Variants in RUSC2 observed in about 807,000 individuals in gnomAD.
RUSC2 encodes RUN and SH3 domain containing 2.
RUSC2 carries 34 observed loss-of-function variants against 122.2 expected under a neutral mutation model. The observed-to-expected ratio is 0.28, with a 90% CI of 0.21 to 0.37. The LOEUF (loss-of-function observed/expected upper bound fraction) is 0.37, where lower values mean the gene tolerates loss of function less well. Among genes scored for constraint, RUSC2 ranks in the 10% least tolerant of loss-of-function variants. The pLI, the probability that RUSC2 is intolerant of heterozygous loss-of-function variation, is 1.00. For synonymous variants in RUSC2, 784 were observed against 790.0 expected, an observed-to-expected ratio of 0.99 and a Z score of 0.13; for missense variants, 1,747 against 1,952.4, an observed-to-expected ratio of 0.89 and a Z score of 1.98.
At chr9:35,528,547 C>T (rs2132526976) in intron 1 of RUSC2, among the ~76,000 whole-genome samples, 1 of 150,582 alleles carries the variant, frequency 6.6e-6, no homozygotes, top group South Asian at 2.1e-4. Flanking sequence ...CGCTCTGTCA[C>T]CCAGGCTGGA....
intron 1 of RUSC2, among the ~76,000 whole-genome samples, chr9:35,495,971 GT>G (rs1298525636): frequency 1.3e-5 from 2 of 152,062 alleles, no homozygotes; most frequent in African/African-American, 4.8e-5. Context: ...ATTGTTCATT[GT>G]TAGTGTTTAG....
intron 1 of RUSC2, among the ~76,000 whole-genome samples, chr9:35,528,984 A>G (rs745753489): frequency 1.6e-4 from 24 of 152,214 alleles, no homozygotes; most frequent in Non-Finnish European, 4.4e-5. Context: ...TAAATAAATT[A>G]GCTTAAAAGC....
intron 1 of RUSC2, among the ~76,000 whole-genome samples, chr9:35,524,870 C>T (rs529365971): frequency 3.9e-5 from 6 of 151,964 alleles, no homozygotes; most frequent in African/African-American, 1.4e-4. Flanking sequence ...ACTCGGGAGG[C>T]TGAGGCAGGA....
chr9:35,544,064 T>C (rs1821695826), intron 1 of RUSC2, among the ~76,000 whole-genome samples: 1 of 152,296 alleles, frequency 6.6e-6, no homozygotes, highest in East Asian at 1.9e-4. Flanking sequence ...TTTACAATAC[T>C]CCCGGCAATG....
At chr9:35,524,773 C>T (rs1821289210) in intron 1 of RUSC2, among the ~76,000 whole-genome samples, 2 of 151,988 alleles carry the variant, frequency 1.3e-5, no homozygotes, top group South Asian at 4.1e-4. Context: ...AGATCGAGAC[C>T]ATCCTGGGTA....
rs1179962212 is a variant in RUSC2 at position 35,555,234 on chromosome 9, A to G, written c.2189A>G (p.Gln730Arg). 2 of 1,613,114 alleles carry G rather than the reference A, an allele frequency of 1.2e-6. No homozygotes were observed. Among genetic ancestry groups the G allele is most frequent in the East Asian group, 4.5e-5 (2 of 44,858 alleles). Residue 730 changes from glutamine (Q) to arginine (R), a missense_variant, in exon 3 of 12, where the codon CAG becomes CGG. Transcript: ENST00000361226. The surrounding 1 kb of genome is among the most constrained non-coding windows in gnomAD (Gnocchi z 4.6). Reference protein sequence around the residue: ...YSLSGCSRTQQPAPLAAPAAQ... With the variant: ...YSLSGCSRTQRPAPLAAPAAQ... The stretch of plus-strand genomic sequence containing the variant: ...CTCTCAGGCTGCAGCCGTACACAGC[A>G]GCCTGCCCCACTGGCTGCCCCTGCT...
chr9:35,538,964 C>G (rs1329966994), intron 1 of RUSC2: 1 of 152,274 alleles, frequency 6.6e-6, no homozygotes, highest in Non-Finnish European at 1.5e-5. Flanking sequence ...ATTGTATTAG[C>G]AGAAATCAGA....
rs151063094 is a variant in RUSC2 at position 35,548,198 on chromosome 9, G to A, written c.1677G>A (p.Ser559=). 1.9e-4 allele frequency: 299 copies of A among 1,612,816 alleles called. 1 individual carries two copies. Among genetic ancestry groups the A allele is most frequent in the Non-Finnish European group, 2.3e-4 (272 of 1,179,874 alleles). The change falls in exon 2 of 12, where the codon TCG becomes TCA. Residue 559 remains serine, a synonymous_variant. Transcript: ENST00000361226. This position sits in a 1 kb window ranked among gnomAD's most constrained non-coding sequence, Gnocchi z 4.5. ...KGRKKTGGSG[S]PPLRVSVGDS... Reference sequence around the variant, plus strand: ...GGAAGAAAACTGGAGGCTCTGGCTCGCCCCCACTTCGTGTGAGTGTTGGGG... The same window carrying A: ...GGAAGAAAACTGGAGGCTCTGGCTCACCCCCACTTCGTGTGAGTGTTGGGG...
Position 35,548,682 on chromosome 9 carries a change from G to C in RUSC2, c.2014+147G>C. 10 of 1,422,052 alleles carry C rather than the reference G, an allele frequency of 7.0e-6. No individual in the cohort carries two copies. The highest frequency in any genetic ancestry group is 9.2e-6 in the Non-Finnish European group (10 of 1,091,334). 88.1% of individuals were successfully genotyped at this position (1,422,052 alleles called of 1,614,324 possible). Reference sequence around the variant, plus strand: ...TCTGTTATCCTTCTAGGCCAGGGCAGGACCCACAGCTACAGTGGAATAGGC... The same window carrying C: ...TCTGTTATCCTTCTAGGCCAGGGCACGACCCACAGCTACAGTGGAATAGGC... On this transcript the variant is annotated intron_variant, in intron 2 of 11. Coordinates refer to ENST00000361226, the MANE Select transcript of RUSC2 (RefSeq NM_014806.5). This position sits in a 1 kb window ranked among gnomAD's most constrained non-coding sequence, Gnocchi z 4.5.
chr9:35,561,310 TG>T lies in RUSC2; in HGVS notation c.4481del (p.Gly1494AlafsTer8). On this transcript the variant is annotated frameshift_variant, in exon 12 of 12. Coordinates refer to ENST00000361226, the MANE Select transcript of RUSC2 (RefSeq NM_014806.5). LOFTEE classifies it high-confidence loss of function. ...TGCGCTGCAGCCGTGGCCCCGACTC[TG>T]GCCTGGTGCCCCTGGCCTACGTGAC... ...WLRCSRGPDS[G>X]LVPLAYVTLT... 1 of 1,614,178 alleles carries T rather than the reference TG, an allele frequency of 6.2e-7. No homozygotes were observed. Among genetic ancestry groups the T allele is most frequent in the Non-Finnish European group, 8.5e-7 (1 of 1,180,018 alleles).
intron 8 of RUSC2, 102 bp from the exon 9 acceptor site, chr9:35,559,124 G>C: frequency 1.1e-6 from 1 of 899,538 alleles, no homozygotes; most frequent in South Asian, 1.3e-5. Context: ...TGCCATGGAA[G>C]GGCGTGTTCA....
At chr9:35,513,190 T>TTTGTTGTTGTTGTTGTTG (rs147038968) in intron 1 of RUSC2, among the ~76,000 whole-genome samples, 2 of 149,654 alleles carry the variant, frequency 1.3e-5, no homozygotes, top group African/African-American at 4.9e-5. Context: ...TATACTTTGT[T>TTTGTTGTTGTTGTTGTTG]TTGTTGTTGT....
At position 35,556,399 on chromosome 9, in the gene RUSC2, C is replaced by A. The variant is rs751233731; in HGVS notation, c.2934C>A (p.Ser978=). 2.5e-6 allele frequency: 4 copies of A among 1,614,088 alleles called. No individual in the cohort carries two copies. The Admixed American group carries it at 6.7e-5, about 27-fold the overall frequency. ...AGCCTCCAGCTGAGTTTTGTCTGTC[C>A]CCAGATGGCAGCTCAGAGGCCATTT... ...TEKPPAEFCL[S]PDGSSEAISI... Residue 978 remains serine (S), a synonymous_variant, in exon 5 of 12, where the codon TCC becomes TCA. Transcript: ENST00000361226.
At chr9:35,497,796 C>T (rs1206368439) in intron 1 of RUSC2, among the ~76,000 whole-genome samples, 1 of 152,174 alleles carries the variant, frequency 6.6e-6, no homozygotes, top group Non-Finnish European at 1.5e-5. Context: ...CAGTCTCCTC[C>T]TTTCACTCCT....
intron 1 of RUSC2, among the ~76,000 whole-genome samples, chr9:35,512,861 C>G (rs527302529): frequency 4.9e-4 from 74 of 152,094 alleles, no homozygotes; most frequent in Non-Finnish European, 9.3e-4. Context: ...TGTAAAACCT[C>G]TGGGCCCCTG....
At chr9:35,490,511 C>A (rs999858557) in intron 1 of RUSC2, among the ~76,000 whole-genome samples, 1 of 152,148 alleles carries the variant, frequency 6.6e-6, no homozygotes, top group Non-Finnish European at 1.5e-5. Context: ...ACCCTCCCCC[C>A]ACAAAACGAC....
chr9:35,493,526 CAG>C (rs1431187978), intron 1 of RUSC2, among the ~76,000 whole-genome samples: 2 of 152,180 alleles, frequency 1.3e-5, no homozygotes, highest in African/African-American at 2.4e-5. Context: ...TTTTTTGAAA[CAG>C]AGTCTCCCTC....
chr9:35,541,957 AAAT>A (rs1259096730), intron 1 of RUSC2, among the ~76,000 whole-genome samples: 1 of 150,480 alleles, frequency 6.6e-6, no homozygotes, highest in Non-Finnish European at 1.5e-5. Flanking sequence ...ATAAATATAA[AAAT>A]AATTCCTTAT....
At chr9:35,550,841 C>T (rs1041403425) in intron 2 of RUSC2, among the ~76,000 whole-genome samples, 6 of 151,718 alleles carry the variant, frequency 4.0e-5, no homozygotes, top group African/African-American at 9.7e-5. Context: ...TTCGGGAGGC[C>T]GAGGTGCGCG....
Sources: allele counts gnomAD v4.1 joint callset (sites outside exome capture counted in the v4.1 genomes callset), GRCh38; gene constraint gnomAD v4.1.1; non-coding constraint Gnocchi (gnomAD v3.1); transcripts MANE v1.5; gene names NCBI Gene and HGNC (gene_info 2026-07-23, HGNC 2026-07-21).